THSD7A: variants seen among roughly 807,000 people sequenced by gnomAD.
The protein encoded by THSD7A is thrombospondin type 1 domain containing 7A.
In THSD7A, 96 loss-of-function variants were observed where a neutral mutation model predicts 231.3. The ratio of observed to expected loss-of-function variants is 0.41; its 90% CI spans 0.35 to 0.49. THSD7A has a LOEUF of 0.49. Ranked by LOEUF, THSD7A falls within the 20% of genes least tolerant of loss-of-function variation. THSD7A has a pLI of 0.05. For missense variants in THSD7A, 2,290 were observed against 2,070.2 expected (o/e 1.11, Z -2.06); for synonymous variants, 940 against 743.3 (o/e 1.26, Z -4.30).
chr7:11,570,181 G>GAAAGA (rs78432203), intron 4 of THSD7A, among the ~76,000 whole-genome samples: 4,097 of 151,710 alleles, frequency 0.027, 63 homozygotes, highest in Middle Eastern at 0.044. Flanking sequence ...AAGAAAAAAA[G>GAAAGA]AAAGAAAAGA....
chr7:11,506,063 G>A (rs1050264726), intron 6 of THSD7A, among the ~76,000 whole-genome samples: 2 of 152,188 alleles, frequency 1.3e-5, no homozygotes, highest in African/African-American at 4.8e-5. Context: ...AAGCAGGAAT[G>A]AAGCAGCATC....
chr7:11,676,706 A>G (rs1562466942), intron 1 of THSD7A, among the ~76,000 whole-genome samples: 1 of 152,178 alleles, frequency 6.6e-6, no homozygotes, highest in South Asian at 2.1e-4. Flanking sequence ...AAGCATGAAG[A>G]CAAGATTAGA....
Position 11,632,084 on chromosome 7 carries a change from C to T in THSD7A, c.1022+4046G>A, listed in dbSNP as rs572846470. On this transcript the variant is annotated intron_variant, in intron 2 of 27. Coordinates refer to ENST00000423059, the MANE Select transcript of THSD7A (RefSeq NM_015204.3). The surrounding 1 kb of genome is among the most constrained non-coding windows in gnomAD (Gnocchi z 4.1). Reference sequence around the variant, plus strand: ...TGTATAAATATAATTTATTATATTACTTGTTATCGTTATTACCATAGAGTA... The same window carrying T: ...TGTATAAATATAATTTATTATATTATTTGTTATCGTTATTACCATAGAGTA... 3.1e-4 allele frequency among the ~76,000 whole-genome samples: 47 copies of T among 152,204 alleles called. No individual in the cohort carries two copies. The highest frequency in any genetic ancestry group is 5.4e-4 in the Non-Finnish European group (37 of 68,006).
chr7:11,611,273 AAGT>A (rs1780911844), intron 2 of THSD7A, among the ~76,000 whole-genome samples: 1 of 152,118 alleles, frequency 6.6e-6, no homozygotes, highest in African/African-American at 2.4e-5. Flanking sequence ...GCAATGTATT[AAGT>A]ATATGCAGAT....
In THSD7A at chr7:11,486,872, T is replaced by C. The variant is rs144634385; in HGVS notation, c.1823-4890A>G. Among the ~76,000 whole-genome samples the C allele has an allele frequency of 2.6e-3, 398 of 152,302 alleles. 1 individual carries two copies. Among genetic ancestry groups the C allele is most frequent in the African/African-American group, 9.3e-3 (386 of 41,574 alleles). On this transcript the variant is annotated intron_variant, in intron 6 of 27. Coordinates refer to ENST00000423059, the MANE Select transcript of THSD7A (RefSeq NM_015204.3). Reference sequence around the variant, plus strand: ...AAAACAGACTAAATGAACCATTGTCTACATTTTACAATTTACACCTTACTT... The same window carrying C: ...AAAACAGACTAAATGAACCATTGTCCACATTTTACAATTTACACCTTACTT...
chr7:11,729,113 T>C (rs1485856810), intron 1 of THSD7A, among the ~76,000 whole-genome samples: 1 of 151,818 alleles, frequency 6.6e-6, no homozygotes, highest in East Asian at 1.9e-4. Flanking sequence ...GAGTAAACTT[T>C]ATGTGGAGGA....
At chr7:11,426,218 A>G (rs973078038) in intron 15 of THSD7A, among the ~76,000 whole-genome samples, 2 of 152,198 alleles carry the variant, frequency 1.3e-5, no homozygotes, top group African/African-American at 4.8e-5. Context: ...AGAAAAACTG[A>G]AGGAGAAATG....
At chr7:11,699,341 T>A (rs1029431566) in intron 1 of THSD7A, among the ~76,000 whole-genome samples, 4 of 151,336 alleles carry the variant, frequency 2.6e-5, no homozygotes, top group Non-Finnish European at 5.9e-5. Context: ...TATATGACAC[T>A]TTTTATCTCT....
Position 11,379,673 on chromosome 7 carries a change from G to T in THSD7A, c.4547C>A (p.Ser1516Tyr). Residue 1516 changes from serine to tyrosine, a missense_variant, in exon 25 of 28, where the codon TCT (serine) becomes TAT (tyrosine). Transcript: ENST00000423059. ...GGGTTGACTACACGGTGGGTTACAAGACCTGTCGGCATCAGGCTGGCTCAT... is the reference window on the plus strand; with the variant it reads ...GGGTTGACTACACGGTGGGTTACAATACCTGTCGGCATCAGGCTGGCTCAT... ...LVMSQPDADR[S>Y]CNPPCSQPHS... The T allele has an allele frequency of 6.3e-7, 1 of 1,594,102 alleles. No homozygotes were observed. The highest frequency in any genetic ancestry group is 8.5e-7 in the Non-Finnish European group (1 of 1,169,602).
intron 7 of THSD7A, among the ~76,000 whole-genome samples, chr7:11,480,664 G>T (rs1414496984): frequency 6.6e-6 from 1 of 152,050 alleles, no homozygotes; most frequent in African/African-American, 2.4e-5. Flanking sequence ...ACACAGGTTG[G>T]CTTTTCTGTG....
chr7:11,373,117 T>C lies in THSD7A; in HGVS notation c.*2677A>G, dbSNP rs1321626872. The C allele has an allele frequency of 7.3e-5, 11 of 151,158 alleles. No individual in the cohort carries two copies. The allele number at this position is 151,158 out of a possible 1,614,324, so 9.4% of individuals were successfully genotyped here. The stretch of plus-strand genomic sequence containing the variant: ...CATGCATATATGCTGTAAAATCTAA[T>C]TAATTTATGAATAAAATGTATTTTT... On this transcript the variant is annotated 3_prime_UTR_variant, in exon 28 of 28. Coordinates refer to ENST00000423059, the MANE Select transcript of THSD7A (RefSeq NM_015204.3).
chr7:11,560,220 AGT>A (rs1790020779), intron 4 of THSD7A, among the ~76,000 whole-genome samples: 1 of 152,158 alleles, frequency 6.6e-6, no homozygotes, highest in African/African-American at 2.4e-5. Flanking sequence ...TTGAAAATGC[AGT>A]ATCATAAGGT....
chr7:11,750,819 A>G (rs1583256288), intron 1 of THSD7A, among the ~76,000 whole-genome samples: 2 of 152,076 alleles, frequency 1.3e-5, no homozygotes, highest in African/African-American at 4.8e-5. Flanking sequence ...TAGTAAAGAT[A>G]CTCCTGAGGA....
intron 2 of THSD7A, among the ~76,000 whole-genome samples, chr7:11,605,558 C>T (rs1002128004): frequency 3.9e-5 from 6 of 152,118 alleles, no homozygotes; most frequent in African/African-American, 1.4e-4. Context: ...CCCAGAAGAT[C>T]CACATGCACA....
intron 1 of THSD7A, among the ~76,000 whole-genome samples, chr7:11,745,332 T>G (rs189010098): frequency 4.6e-5 from 7 of 152,272 alleles, no homozygotes; most frequent in Admixed American, 4.6e-4. Context: ...CATTGTGGAT[T>G]CTGGATATTA....
At chr7:11,783,405 G>A (rs909228609) in intron 1 of THSD7A, among the ~76,000 whole-genome samples, 2 of 150,526 alleles carry the variant, frequency 1.3e-5, no homozygotes, top group African/African-American at 4.9e-5. Context: ...GGTGCCTGCT[G>A]AACGTGTATC....
intron 8 of THSD7A, among the ~76,000 whole-genome samples, chr7:11,471,321 T>C (rs1785929706): frequency 6.6e-6 from 1 of 151,990 alleles, no homozygotes; most frequent in Non-Finnish European, 1.5e-5. Context: ...AAATACTCTA[T>C]ATAAGAGAAT....
rs115402552 is a variant in THSD7A, at chr7:11,766,281, G to C, written c.190+65476C>G. Among the ~76,000 whole-genome samples the C allele has an allele frequency of 8.3e-3, 1,268 of 152,304 alleles. 14 individuals are homozygous for C. Among genetic ancestry groups the C allele is most frequent in the African/African-American group, 0.027 (1,107 of 41,566 alleles). On this transcript the variant is annotated intron_variant, in intron 1 of 27. Transcript: ENST00000423059. Reference sequence around the variant, plus strand: ...AGAAGAAAGGCCAGCATCAGTTGCAGCAAAGGTCACTCAATCTAGTTTTGT... The same window carrying C: ...AGAAGAAAGGCCAGCATCAGTTGCACCAAAGGTCACTCAATCTAGTTTTGT...
chr7:11,803,744 C>T (rs1784336102), intron 1 of THSD7A, among the ~76,000 whole-genome samples: 1 of 152,114 alleles, frequency 6.6e-6, no homozygotes, highest in Non-Finnish European at 1.5e-5. Flanking sequence ...ATTGTAGAAT[C>T]ACCTGATGAG....
Sources: allele counts gnomAD v4.1 joint callset (sites outside exome capture counted in the v4.1 genomes callset), GRCh38; gene constraint gnomAD v4.1.1; non-coding constraint Gnocchi (gnomAD v3.1); transcripts MANE v1.5; gene names NCBI Gene and HGNC (gene_info 2026-07-23, HGNC 2026-07-21).